FRMD5: variants seen among roughly 807,000 people sequenced by gnomAD.
The protein encoded by FRMD5 is FERM domain-containing protein 5.
In FRMD5, 20 loss-of-function variants were observed where a neutral mutation model predicts 69.0. The observed-to-expected ratio is 0.29, with a 90% CI of 0.20 to 0.42. FRMD5 has a LOEUF of 0.42. Among genes scored for constraint, FRMD5 ranks in the 10% least tolerant of loss-of-function variants. FRMD5 has a pLI of 1.00. For missense variants in FRMD5, 595 were observed against 708.6 expected (o/e 0.84, Z 1.82); for synonymous variants, 271 against 260.1 (o/e 1.04, Z -0.40).
intron 1 of FRMD5, among the ~76,000 whole-genome samples, chr15:44,164,689 C>T (rs1243351757): frequency 1.3e-5 from 2 of 152,210 alleles, no homozygotes. Flanking sequence ...TTCCCAGCCT[C>T]CCCTACAGCT....
chr15:44,018,950 C>A (rs1057155409), intron 1 of FRMD5, among the ~76,000 whole-genome samples: 1 of 151,990 alleles, frequency 6.6e-6, no homozygotes, highest in African/African-American at 2.4e-5. Flanking sequence ...GGCTGGAGTG[C>A]AGTGGCTGAT....
intron 1 of FRMD5, among the ~76,000 whole-genome samples, chr15:44,180,381 A>T (rs2077976596): frequency 6.6e-6 from 1 of 152,158 alleles, no homozygotes; most frequent in Admixed American, 6.5e-5. Context: ...AAGACACAAA[A>T]ATGGCACCGT....
At chr15:43,978,808 TC>T (rs2090504442) in intron 1 of FRMD5, among the ~76,000 whole-genome samples, 1 of 152,100 alleles carries the variant, frequency 6.6e-6, no homozygotes, top group Non-Finnish European at 1.5e-5. Flanking sequence ...CACCTCGGCT[TC>T]CCAAAGTGCT....
At chr15:44,083,893 G>A (rs540272212) in intron 1 of FRMD5, among the ~76,000 whole-genome samples, 98 of 152,080 alleles carry the variant, frequency 6.4e-4, no homozygotes, top group African/African-American at 2.2e-3. Flanking sequence ...CTTGTCATTT[G>A]TACTGTTTGA....
intron 1 of FRMD5, among the ~76,000 whole-genome samples, chr15:43,959,913 A>G (rs1051148916): frequency 6.6e-6 from 1 of 152,128 alleles, no homozygotes; most frequent in African/African-American, 2.4e-5. Flanking sequence ...CAGTAAAATG[A>G]TGATGATGAT....
At chr15:43,984,549 A>G (rs1242431619) in intron 1 of FRMD5, among the ~76,000 whole-genome samples, 2 of 152,256 alleles carry the variant, frequency 1.3e-5, no homozygotes, top group African/African-American at 2.4e-5. Flanking sequence ...CATTCACTAC[A>G]GAGAAACTTA....
intron 1 of FRMD5, among the ~76,000 whole-genome samples, chr15:43,965,363 T>C (rs2090276498): frequency 6.6e-6 from 1 of 152,178 alleles, no homozygotes; most frequent in African/African-American, 2.4e-5. Flanking sequence ...ACACTGCGCC[T>C]AACTTTGCAA....
upstream of FRMD5, among the ~76,000 whole-genome samples, chr15:44,198,544 A>G (rs1299133177): frequency 2.6e-5 from 4 of 152,112 alleles, no homozygotes; most frequent in African/African-American, 4.8e-5. Flanking sequence ...TCCACAAAAA[A>G]GCTCATGAGA....
At position 43,873,826 on chromosome 15, in the gene FRMD5, G is replaced by C. The variant is rs1194041888; in HGVS notation, c.*59C>G. The C allele has an allele frequency of 6.3e-7, 1 of 1,592,940 alleles. No homozygotes were observed. Among genetic ancestry groups the C allele is most frequent in the Non-Finnish European group, 8.6e-7 (1 of 1,168,762 alleles). On this transcript the variant is annotated 3_prime_UTR_variant, in exon 14 of 14. Transcript: ENST00000417257. ...GTTCCGCGATGGGTCCCATTGCTGG[G>C]AATGGGTAGCCGGGTTCCTTGGTCC...
In FRMD5 at chr15:43,959,355, G is replaced by A. The variant is rs146072950; in HGVS notation, c.103-35046C>T. On this transcript the variant is annotated intron_variant, in intron 1 of 13. Transcript: ENST00000417257. ...ATTTTAAGGTTTATAAAGCTGCTTG[G>A]CTTTAAAAATAAACCAAATACAGTC... Among the ~76,000 whole-genome samples the A allele has an allele frequency of 3.3e-3, 501 of 152,300 alleles. 1 individual carries two copies. The highest frequency in any genetic ancestry group is 7.7e-3 in the South Asian group (37 of 4,832).
chr15:43,967,647 G>A (rs1388973606), intron 1 of FRMD5, among the ~76,000 whole-genome samples: 2 of 152,094 alleles, frequency 1.3e-5, no homozygotes, highest in Non-Finnish European at 2.9e-5. Context: ...TAACTAACAC[G>A]AGGCTGCACT....
intron 5 of FRMD5, 49 bp from the exon 6 acceptor site, chr15:43,906,000 T>C: frequency 5.0e-6 from 8 of 1,611,904 alleles, no homozygotes; most frequent in Non-Finnish European, 6.8e-6. Flanking sequence ...AGGTAAATCA[T>C]CATTGACAAA....
chr15:44,124,146 C>T (rs1254571750), intron 1 of FRMD5, among the ~76,000 whole-genome samples: 2 of 151,994 alleles, frequency 1.3e-5, no homozygotes, highest in African/African-American at 4.8e-5. Context: ...GCACTCACCA[C>T]CATGCCTGGC....
chr15:44,126,334 T>C (rs2077024516), intron 1 of FRMD5, among the ~76,000 whole-genome samples: 1 of 152,216 alleles, frequency 6.6e-6, no homozygotes, highest in African/African-American at 2.4e-5. Context: ...GATTTAACCT[T>C]CTTCTTTGCC....
intron 1 of FRMD5, among the ~76,000 whole-genome samples, chr15:44,182,941 G>A (rs1566990521): frequency 6.6e-6 from 1 of 150,616 alleles, no homozygotes; most frequent in Non-Finnish European, 1.5e-5. Context: ...GACTACAGGC[G>A]CCTGCCACCA....
At chr15:43,962,135 T>C (rs2090212656) in intron 1 of FRMD5, among the ~76,000 whole-genome samples, 2 of 152,226 alleles carry the variant, frequency 1.3e-5, no homozygotes, top group South Asian at 4.1e-4. Context: ...GCAGATGACA[T>C]GATTGTATAT....
At chr15:43,940,606 A>G (rs566127989) in intron 1 of FRMD5, among the ~76,000 whole-genome samples, 14 of 152,346 alleles carry the variant, frequency 9.2e-5, no homozygotes, top group African/African-American at 3.1e-4. Context: ...AGAGGTAAAC[A>G]AATGCCACAT....
intron 1 of FRMD5, among the ~76,000 whole-genome samples, chr15:44,092,627 T>C (rs1410936958): frequency 1.3e-5 from 2 of 152,162 alleles, no homozygotes; most frequent in Non-Finnish European, 2.9e-5. Flanking sequence ...AGTGATCCTT[T>C]CCAGATTTAT....
In FRMD5 at chr15:44,016,719, T is replaced by C. The variant is rs562879277; in HGVS notation, c.103-92410A>G. Among the ~76,000 whole-genome samples the C allele has an allele frequency of 7.1e-4, 107 of 151,318 alleles. 2 individuals are homozygous for C. The highest frequency in any genetic ancestry group is 4.9e-3 in the Admixed American group (75 of 15,178). Reference sequence around the variant, plus strand: ...ACCTGGGCAAAATAGTGAGACTCCATCTCAAAAACAAAACAAAAAAAAAAT... The same window carrying C: ...ACCTGGGCAAAATAGTGAGACTCCACCTCAAAAACAAAACAAAAAAAAAAT... On this transcript the variant is annotated intron_variant, in intron 1 of 13. Transcript: ENST00000417257.
Sources: allele counts gnomAD v4.1 joint callset (sites outside exome capture counted in the v4.1 genomes callset), GRCh38; gene constraint gnomAD v4.1.1; transcripts MANE v1.5; gene names NCBI Gene and HGNC (gene_info 2026-07-23, HGNC 2026-07-21).